WNK3: variants seen among roughly 807,000 people sequenced by gnomAD.
WNK3 encodes the protein serine/threonine-protein kinase WNK3.
Under a neutral mutation model 116.7 loss-of-function variants are expected in WNK3, and 18 were observed. The ratio of observed to expected loss-of-function variants is 0.15; its 90% CI spans 0.11 to 0.23. The LOEUF is 0.23. Among genes scored for constraint, WNK3 ranks in the 10% least tolerant of loss-of-function variants. The probability of loss-of-function intolerance (pLI) is 1.00; values close to 1 mark genes in which losing one functional copy is unlikely to be tolerated. For missense variants in WNK3, 993 were observed against 1,323.8 expected, an observed-to-expected ratio of 0.75 and a Z score of 3.88; for synonymous variants, 404 against 469.4, an observed-to-expected ratio of 0.86 and a Z score of 1.80.
At chrX:54,309,590 T>C (rs975774879) in intron 3 of WNK3, among the ~76,000 whole-genome samples, 3 of 111,820 alleles carry the variant, frequency 2.7e-5, no homozygotes, top group Non-Finnish European at 5.6e-5. Flanking sequence ...TGGAGGGCAG[T>C]GGTGCAATCT....
intron 22 of WNK3, among the ~76,000 whole-genome samples, chrX:54,217,849 T>C (rs1471811546): frequency 9.0e-6 from 1 of 111,107 alleles, no homozygotes; most frequent in Non-Finnish European, 1.9e-5. Context: ...ACTAAATAAT[T>C]AGCAACAAGA....
intron 22 of WNK3, among the ~76,000 whole-genome samples, chrX:54,219,669 C>CAAAAAAAA (rs34431672): frequency 6.6e-5 from 1 of 15,191 alleles, no homozygotes; most frequent in Non-Finnish European, 1.4e-4. Flanking sequence ...CTCCATCTCC[C>CAAAAAAAA]AAAAAAAAAA....
In WNK3 at chrX:54,333,811, A is replaced by T. The variant is rs2069200999; in HGVS notation, c.-119-19T>A. 6.7e-6 allele frequency: 3 copies of T among 449,049 alleles called. No homozygotes were observed. The African/African-American group carries it at 7.2e-5, about 11-fold the overall frequency. The allele number at this position is 449,049 out of a possible 1,213,427, so 37.0% of individuals were successfully genotyped here. On this transcript the variant is annotated intron_variant, in intron 1 of 23. Transcript: ENST00000354646. Reference sequence around the variant, plus strand: ...TAGCAACCTGAAGGGGGGGAAAAAGATATTTTAAAATCACCCTACAAAGGA... The same window carrying T: ...TAGCAACCTGAAGGGGGGGAAAAAGTTATTTTAAAATCACCCTACAAAGGA...
intron 20 of WNK3, 115 bp downstream of exon 20, chrX:54,236,823 T>G: frequency 1.1e-6 from 1 of 886,229 alleles, no homozygotes; most frequent in Non-Finnish European, 1.5e-6. Context: ...ATTAGCATTC[T>G]TTGTAGTTTT....
At chrX:54,220,266 C>A (rs2067747143) in intron 22 of WNK3, among the ~76,000 whole-genome samples, 1 of 111,432 alleles carries the variant, frequency 9.0e-6, no homozygotes, top group Non-Finnish European at 1.9e-5. Context: ...TCCATTGAAC[C>A]AAGCATTTTT....
intron 2 of WNK3, among the ~76,000 whole-genome samples, chrX:54,323,687 T>G (rs1557172724): frequency 9.0e-6 from 1 of 111,308 alleles, no homozygotes; most frequent in Non-Finnish European, 1.9e-5. Flanking sequence ...ACCATTTCCT[T>G]TAAACAAACC....
rs782672834 is a variant in WNK3 at position 54,275,415 on chromosome X, ATGTGTGTGTGTGTGTGTGTGTG to A, written c.2038-16099_2038-16078del. ...CGGTATCTGTAGGGTATAAGTTCAT[ATGTGTGTGTGTGTGTGTGTGTG>A]TGTGTGTGTGTGTGTGTGTGTGTGT... On this transcript the variant is annotated intron_variant, in intron 10 of 23. Coordinates refer to ENST00000354646, the Ensembl canonical transcript of WNK3. 2.3e-4 allele frequency among the ~76,000 whole-genome samples: 15 copies of A among 64,432 alleles called. No individual in the cohort carries two copies. The East Asian group carries it at 6.9e-3, about 30-fold the overall frequency. The allele number at this position is 64,432 out of a possible 115,157, so 56.0% of individuals were successfully genotyped here. A position where few individuals can be genotyped will look rare whatever the true frequency, so the allele number is the denominator to read the frequency against.
At chrX:54,197,540 A>C (rs1400006377) in exon 24 of WNK3, 3 of 110,231 alleles carry the variant, frequency 2.7e-5, no homozygotes, top group Non-Finnish European at 5.7e-5. Flanking sequence ...TCTGGCCAAC[A>C]TAGTGAAACC....
intron 22 of WNK3, among the ~76,000 whole-genome samples, chrX:54,206,871 A>G (rs2067559218): frequency 9.0e-6 from 1 of 110,989 alleles, no homozygotes; most frequent in Non-Finnish European, 1.9e-5. Flanking sequence ...CTCTACTAAA[A>G]ATACAAAAAT....
chrX:54,198,398 G>A lies in WNK3; in HGVS notation c.5329C>T (p.Pro1777Ser), dbSNP rs200621254. The change falls in exon 24 of 24, where the codon CCA (proline) becomes TCA (serine). Residue 1777 changes from proline (P) to serine (S), a missense_variant. Transcript: ENST00000354646. Reference sequence around the variant, plus strand: ...GGAAATGCCTGCATATTCATCCCTGGCTGGAATGGTCCCCCAGATTGGGCG... The same window carrying A: ...GGAAATGCCTGCATATTCATCCCTGACTGGAATGGTCCCCCAGATTGGGCG... 116 of 1,208,904 alleles carry A rather than the reference G, an allele frequency of 9.6e-5. No homozygotes were observed. The Middle Eastern group carries it at 2.8e-3, about 29-fold the overall frequency.
chrX:54,281,987 G>A (rs1304967709), intron 10 of WNK3, among the ~76,000 whole-genome samples: 1 of 88,300 alleles, frequency 1.1e-5, no homozygotes, highest in Non-Finnish European at 2.2e-5. Context: ...TGGAATGGCT[G>A]GATTGTATCA....
chrX:54,219,692 AAAAAAAAAG>A (rs2067740222), intron 22 of WNK3, among the ~76,000 whole-genome samples: 1 of 105,600 alleles, frequency 9.5e-6, no homozygotes, highest in Non-Finnish European at 1.9e-5. Context: ...AAAAAAAAAA[AAAAAAAAAG>A]GAAGGAGATC....
chrX:54,305,267 C>T (rs1400054779), intron 5 of WNK3, among the ~76,000 whole-genome samples: 1 of 111,888 alleles, frequency 8.9e-6, no homozygotes, highest in Non-Finnish European at 1.9e-5. Flanking sequence ...AGGTTATTTA[C>T]AGCTACTCTA....
At chrX:54,269,450 G>C (rs2068353807) in intron 10 of WNK3, among the ~76,000 whole-genome samples, 1 of 111,618 alleles carries the variant, frequency 9.0e-6, no homozygotes, top group Admixed American at 9.6e-5. Context: ...GTAAATGGAA[G>C]TCTCATACAT....
At chrX:54,283,865 GAA>G (rs782302268) in intron 10 of WNK3, among the ~76,000 whole-genome samples, 6 of 87,035 alleles carry the variant, frequency 6.9e-5, no homozygotes, top group Non-Finnish European at 9.1e-5. Flanking sequence ...ATTCCTAGAG[GAA>G]AAAAAAAAAA....
chrX:54,323,237 G>A (rs1325265650), intron 2 of WNK3, among the ~76,000 whole-genome samples: 2 of 111,402 alleles, frequency 1.8e-5, no homozygotes, highest in Non-Finnish European at 3.8e-5. Context: ...CAGTTATGAT[G>A]CACTGAGGAT....
chrX:54,270,570 A>AT (rs373372242), intron 10 of WNK3, among the ~76,000 whole-genome samples: 60 of 103,120 alleles, frequency 5.8e-4, no homozygotes, highest in Middle Eastern at 4.9e-3. Flanking sequence ...CACCTGGCTA[A>AT]TTTTTTTTTT....
At chrX:54,206,112 A>G (rs1249184580) in intron 22 of WNK3, among the ~76,000 whole-genome samples, 3 of 111,658 alleles carry the variant, frequency 2.7e-5, no homozygotes, top group African/African-American at 9.8e-5. Flanking sequence ...AAATTATTCA[A>G]TTCAGGCCAG....
intron 17 of WNK3, among the ~76,000 whole-genome samples, chrX:54,243,642 C>A (rs1175787175): frequency 2.7e-5 from 3 of 111,164 alleles, no homozygotes; most frequent in South Asian, 3.8e-4. Flanking sequence ...TGGCTATGAT[C>A]AAAAAATTGG....
Sources: gnomAD v4.1 joint callset for allele counts (sites outside exome capture counted in the v4.1 genomes callset) on GRCh38, gnomAD v4.1.1 for gene constraint, MANE v1.5 for transcripts, NCBI Gene and HGNC (gene_info 2026-07-23, HGNC 2026-07-21) for gene names.